Variants in ERAP2 observed in about 807,000 individuals in gnomAD.
ERAP2 encodes leukocyte-derived arginine aminopeptidase.
Under a neutral mutation model 111.1 loss-of-function variants are expected in ERAP2, and 118 were observed. The ratio of observed to expected loss-of-function variants is 1.06; its 90% confidence interval spans 0.92 to 1.24. The LOEUF (loss-of-function observed/expected upper bound fraction) is 1.24, where lower values mean the gene tolerates loss of function less well. ERAP2 is among the 50% of genes most tolerant of loss of function. ERAP2 has a pLI of 0.00. For synonymous variants in ERAP2, 410 were observed against 401.2 expected (o/e 1.02, Z -0.26); for missense variants, 1,131 against 1,125.8 (o/e 1.00, Z -0.07).
chr5:96,916,580 C>T (rs543380040), intron 18 of ERAP2, among the ~76,000 whole-genome samples: 1 of 150,904 alleles, frequency 6.6e-6, no homozygotes, highest in East Asian at 2.0e-4. Flanking sequence ...TCTCCTGCCT[C>T]AGCCTCCCGA....
chr5:96,896,711 C>T, intron 8 of ERAP2, 21 bp from the exon 9 acceptor site: 1 of 1,548,990 alleles, frequency 6.5e-7, no homozygotes, highest in Non-Finnish European at 8.7e-7. Context: ...CTTTTTTCAA[C>T]TCTTTTGTTT....
intron 13 of ERAP2, among the ~76,000 whole-genome samples, chr5:96,903,984 G>A (rs867788218): frequency 1.1e-4 from 16 of 152,108 alleles, no homozygotes; most frequent in African/African-American, 2.4e-4. Flanking sequence ...TTGAGCTTTC[G>A]ACCCCACATT....
chr5:96,886,443 C>T (rs1783718754), intron 3 of ERAP2, among the ~76,000 whole-genome samples: 1 of 152,136 alleles, frequency 6.6e-6, no homozygotes, highest in Non-Finnish European at 1.5e-5. Context: ...ATCTCAAAAG[C>T]AGGGCTTTTT....
chr5:96,886,543 G>A, intron 3 of ERAP2, 112 bp from the exon 4 acceptor site: 5 of 875,262 alleles, frequency 5.7e-6, no homozygotes, highest in South Asian at 3.9e-5. Flanking sequence ...GGAGGTCATC[G>A]ATTGTCCTTC....
At chr5:96,889,084 T>C in intron 4 of ERAP2, 101 bp from the exon 5 acceptor site, 1 of 1,401,188 alleles carries the variant, frequency 7.1e-7, no homozygotes, top group East Asian at 2.3e-5. Context: ...AATACTTTCT[T>C]GAAAAGATAC....
In ERAP2 at chr5:96,883,821, C is replaced by A; in HGVS notation, c.605C>A (p.Thr202Asn). 3.1e-6 allele frequency: 5 copies of A among 1,613,008 alleles called. No homozygotes were observed. The highest frequency in any genetic ancestry group is 4.2e-6 in the Non-Finnish European group (5 of 1,179,662). The change falls in exon 3 of 19, where the codon ACC becomes AAC. Residue 202 changes from threonine (T) to asparagine (N), a missense_variant. Around this residue, in one of 3 missense-constraint regions of ERAP2, gnomAD observed 847 missense variants for 856.5 expected, o/e 0.99. Coordinates refer to ENST00000437043, the MANE Select transcript of ERAP2 (RefSeq NM_022350.5). ...RILAVTDFEPTQARMAFPCFD... is the reference protein window; with the variant it reads ...RILAVTDFEPNQARMAFPCFD... Reference sequence around the variant, plus strand: ...CTTGCAGTAACAGATTTTGAGCCAACCCAGGCACGCATGGCTTTCCCTTGC... The same window carrying A: ...CTTGCAGTAACAGATTTTGAGCCAAACCAGGCACGCATGGCTTTCCCTTGC...
chr5:96,905,947 T>TTC (rs1786030126), intron 13 of ERAP2, among the ~76,000 whole-genome samples: 1 of 150,466 alleles, frequency 6.6e-6, no homozygotes, highest in Non-Finnish European at 1.5e-5. Context: ...CTTTTTAATT[T>TTC]TTTTTTTTTT....
At chr5:96,896,550 A>G in intron 8 of ERAP2, 46 bp downstream of exon 8, 1 of 1,585,752 alleles carries the variant, frequency 6.3e-7, no homozygotes. Flanking sequence ...TCAGAAGTGT[A>G]ATAATGACTA....
chr5:96,888,472 A>G (rs6868302), intron 4 of ERAP2, among the ~76,000 whole-genome samples: 86,302 of 152,100 alleles, frequency 0.57, 24,652 homozygotes, highest in African/African-American at 0.62. Context: ...TAGAGTGGGC[A>G]CAAGTATTAA....
chr5:96,889,501 T>A (rs1157185699), intron 5 of ERAP2, 196 bp downstream of exon 5: 15 of 710,790 alleles, frequency 2.1e-5, no homozygotes, highest in Non-Finnish European at 3.7e-5. Context: ...ACAGTGTGGA[T>A]CATTTCTCTA....
intron 9 of ERAP2, among the ~76,000 whole-genome samples, chr5:96,898,515 G>A (rs908493926): frequency 1.2e-4 from 17 of 144,412 alleles, no homozygotes; most frequent in African/African-American, 4.4e-4. Flanking sequence ...ACCGAGGTGG[G>A]CAAATTGCCT....
rs779580648 is a variant in ERAP2, at chr5:96,902,402, T to C, written c.1828+49T>C. The C allele has an allele frequency of 7.8e-6, 9 of 1,155,286 alleles. No homozygotes were observed. In the African/African-American group the frequency reaches 1.2e-4, roughly 16 times the overall value. 71.6% of individuals were successfully genotyped at this position (1,155,286 alleles called of 1,614,324 possible). ...GGTATTTCAATGTGGAAATTAAACA[T>C]GTGTTGAGCTATTTGAAGGAACGAT... is the stretch of plus-strand genomic sequence containing the variant. On this transcript the variant is annotated intron_variant, in intron 12 of 18. Transcript: ENST00000437043.
At position 96,909,098 on chromosome 5, in the gene ERAP2, A is replaced by G. The variant is rs568167337; in HGVS notation, c.2150A>G (p.Asp717Gly). Residue 717 changes from aspartate (D) to glycine (G), a missense_variant, in exon 14 of 19, where the codon GAT becomes GGT. This residue lies in a region of ERAP2 where 847 missense variants were observed against 856.5 expected (regional missense o/e 0.99). Coordinates refer to ENST00000437043, the MANE Select transcript of ERAP2 (RefSeq NM_022350.5). ...ATGATGGACAGAAGGAATATTTCAG[A>G]TATCTCTGAAAACCTCAAGGTTTGT... Reference protein sequence around the residue: ...YHMMDRRNISDISENLKRYLL... With the variant: ...YHMMDRRNISGISENLKRYLL... 38 of 1,614,124 alleles carry G rather than the reference A, an allele frequency of 2.4e-5. No individual in the cohort carries two copies. In the East Asian group the frequency reaches 4.2e-4, roughly 18 times the overall value.
intron 18 of ERAP2, among the ~76,000 whole-genome samples, chr5:96,916,549 C>A (rs1186497769): frequency 6.7e-6 from 1 of 148,582 alleles, no homozygotes; most frequent in Non-Finnish European, 1.5e-5. Flanking sequence ...CTGCAAGCTC[C>A]GCCTCCCAGG....
intron 13 of ERAP2, among the ~76,000 whole-genome samples, chr5:96,906,996 C>A (rs1030698556): frequency 6.6e-6 from 1 of 152,150 alleles, no homozygotes; most frequent in African/African-American, 2.4e-5. Flanking sequence ...CCATTGCACT[C>A]CAGCCTGGGC....
intron 2 of ERAP2, chr5:96,881,482 T>C (rs1267921492): frequency 2.2e-6 from 1 of 455,750 alleles, no homozygotes; most frequent in East Asian, 6.9e-5. Flanking sequence ...ATCTGGGAGG[T>C]AAGAGGAGTC....
intron 13 of ERAP2, among the ~76,000 whole-genome samples, chr5:96,908,053 T>C (rs1046191845): frequency 6.6e-6 from 1 of 152,210 alleles, no homozygotes; most frequent in African/African-American, 2.4e-5. Context: ...TTCTTTTTCA[T>C]TTCCTTCTGG....
chr5:96,901,424 T>C, intron 10 of ERAP2, 82 bp from the exon 11 acceptor site: 1 of 1,466,782 alleles, frequency 6.8e-7, no homozygotes. Context: ...GTTTCTGGCA[T>C]CCAAGGAGAT....
chr5:96,899,945 C>A (rs1785271805), intron 9 of ERAP2, among the ~76,000 whole-genome samples, 176 bp from the exon 10 acceptor site: 2 of 152,174 alleles, frequency 1.3e-5, no homozygotes, highest in South Asian at 4.1e-4. Flanking sequence ...CTTTTGTGGA[C>A]TTCTATCCCA....
Sources: allele counts gnomAD v4.1 joint callset (sites outside exome capture counted in the v4.1 genomes callset), GRCh38; gene constraint gnomAD v4.1.1; regional missense constraint gnomAD v4.1.1; transcripts MANE v1.5; gene names NCBI Gene and HGNC (gene_info 2026-07-23, HGNC 2026-07-21).